The following UNC5D variants were observed in gnomAD, a reference collection of about 807,000 sequenced individuals.
UNC5D encodes the protein unc-5 netrin receptor D, also known as netrin receptor UNC5D.
In UNC5D, 39 loss-of-function variants were observed where a neutral mutation model predicts 105.4. That is an observed-to-expected ratio of 0.37 (90% CI 0.29 to 0.48). The LOEUF is 0.48. UNC5D is among the 20% of genes least tolerant of loss of function. The probability of loss-of-function intolerance (pLI) is 0.98; values close to 1 mark genes in which losing one functional copy is unlikely to be tolerated. For synonymous variants in UNC5D, 452 were observed against 450.4 expected, an observed-to-expected ratio of 1.00 and a Z score of -0.04; for missense variants, 991 against 1,202.4, an observed-to-expected ratio of 0.82 and a Z score of 2.60.
chr8:35,581,769 TA>T (rs1157530298), intron 3 of UNC5D, among the ~76,000 whole-genome samples: 2 of 151,674 alleles, frequency 1.3e-5, no homozygotes, highest in African/African-American at 4.8e-5. Context: ...ACAAAAAAAT[TA>T]AAAGAAAAAA....
rs1218004593 is a variant in UNC5D at position 35,796,087 on chromosome 8, T to A, written c.*5524T>A. 2 of 152,148 alleles carry A rather than the reference T, an allele frequency of 1.3e-5. No individual in the cohort carries two copies. Among genetic ancestry groups the A allele is most frequent in the Non-Finnish European group, 1.5e-5 (1 of 68,026 alleles). 9.4% of individuals were successfully genotyped at this position (152,148 alleles called of 1,614,324 possible). On this transcript the variant is annotated 3_prime_UTR_variant, in exon 17 of 17. Coordinates refer to ENST00000404895, the MANE Select transcript of UNC5D (RefSeq NM_080872.4). ...ATCTCAAACCCATACCACTCTCAAC[T>A]TTTATTTGATGTGTTCAAAGCCAAA...
rs139232308 is a variant in UNC5D at position 35,612,228 on chromosome 8, C to T, written c.570+16571C>T. On this transcript the variant is annotated intron_variant, in intron 4 of 16. Coordinates refer to ENST00000404895, the MANE Select transcript of UNC5D (RefSeq NM_080872.4). ...AAGATAATGCTGGAATTAGAAAACT[C>T]GGGAAGGTCAAGGGTTTTTGTCAAT... Among the ~76,000 whole-genome samples, 17 of 152,254 alleles carry T rather than the reference C, an allele frequency of 1.1e-4. No individual in the cohort carries two copies. The South Asian group carries it at 2.5e-3, about 22-fold the overall frequency.
intron 3 of UNC5D, among the ~76,000 whole-genome samples, chr8:35,591,474 TA>T (rs1167071181): frequency 1.3e-5 from 2 of 152,212 alleles, no homozygotes; most frequent in Admixed American, 6.5e-5. Context: ...GTTTGCCTCA[TA>T]TCCAATGAGT....
rs1803252791 is a variant in UNC5D at position 35,796,348 on chromosome 8, A to G, written c.*5785A>G. 6.7e-6 allele frequency: 1 copy of G among 149,386 alleles called. No individual in the cohort carries two copies. Among genetic ancestry groups the G allele is most frequent in the Admixed American group, 6.8e-5 (1 of 14,774 alleles). 9.3% of individuals were successfully genotyped at this position (149,386 alleles called of 1,614,324 possible). ...TGTACATATCTATAAATATATATAC[A>G]TATATATTTGGTAATGCCAAACAGC... On this transcript the variant is annotated 3_prime_UTR_variant, in exon 17 of 17. Transcript: ENST00000404895.
At chr8:35,710,128 C>G (rs1384813682) in intron 8 of UNC5D, among the ~76,000 whole-genome samples, 2 of 152,070 alleles carry the variant, frequency 1.3e-5, no homozygotes, top group Non-Finnish European at 2.9e-5. Flanking sequence ...GCAAGGAGAT[C>G]TATCACAATG....
At chr8:35,537,080 A>G (rs1051456910) in intron 1 of UNC5D, among the ~76,000 whole-genome samples, 1 of 152,180 alleles carries the variant, frequency 6.6e-6, no homozygotes, top group African/African-American at 2.4e-5. Context: ...TGAAATATAT[A>G]CATTCAAATT....
At chr8:35,603,463 C>G (rs1201370429) in intron 4 of UNC5D, among the ~76,000 whole-genome samples, 6 of 152,036 alleles carry the variant, frequency 3.9e-5, no homozygotes, top group East Asian at 3.9e-4. Flanking sequence ...TTACTTCCAA[C>G]TATGTGGTCA....
At chr8:35,698,832 C>A (rs1826977625) in intron 7 of UNC5D, among the ~76,000 whole-genome samples, 1 of 152,014 alleles carries the variant, frequency 6.6e-6, no homozygotes, top group African/African-American at 2.4e-5. Flanking sequence ...TGACATTAAC[C>A]AATACATGAT....
chr8:35,392,196 G>C (rs1406410804), intron 1 of UNC5D, among the ~76,000 whole-genome samples: 1 of 152,078 alleles, frequency 6.6e-6, no homozygotes, highest in African/African-American at 2.4e-5. Flanking sequence ...CATGTTCCTT[G>C]ACTAGTAGAT....
At chr8:35,632,809 C>T (rs929181648) in intron 4 of UNC5D, among the ~76,000 whole-genome samples, 4 of 152,170 alleles carry the variant, frequency 2.6e-5, no homozygotes, top group Admixed American at 1.3e-4. Flanking sequence ...GGCTGGCCCA[C>T]GAGGGTGTGT....
Position 35,791,860 on chromosome 8 carries a change from TG to T in UNC5D, c.*1298del, listed in dbSNP as rs1290479667. On this transcript the variant is annotated 3_prime_UTR_variant, in exon 17 of 17. Coordinates refer to ENST00000404895, the MANE Select transcript of UNC5D (RefSeq NM_080872.4). The stretch of plus-strand genomic sequence containing the variant: ...TTTTTACATTAGGAGGCAGTGATAT[TG>T]TGGAAGATTGAAATCCACAGATAAT... 2.6e-5 allele frequency: 4 copies of T among 152,162 alleles called. No homozygotes were observed. The highest frequency in any genetic ancestry group is 1.3e-4 in the Admixed American group (2 of 15,264). 9.4% of individuals were successfully genotyped at this position (152,162 alleles called of 1,614,324 possible). A position where few individuals can be genotyped will look rare whatever the true frequency, so the allele number is the denominator to read the frequency against.
At chr8:35,688,760 G>T (rs1826194548) in intron 7 of UNC5D, among the ~76,000 whole-genome samples, 1 of 152,190 alleles carries the variant, frequency 6.6e-6, no homozygotes, top group African/African-American at 2.4e-5. Flanking sequence ...CACATTTGAG[G>T]TGTGACTGTT....
intron 1 of UNC5D, among the ~76,000 whole-genome samples, chr8:35,319,811 A>G (rs1233913730): frequency 6.6e-6 from 1 of 152,050 alleles, no homozygotes; most frequent in Non-Finnish European, 1.5e-5. Context: ...TGGAGAAAAA[A>G]AAAAAGCAAG....
At chr8:35,433,172 A>G (rs1319169160) in intron 1 of UNC5D, among the ~76,000 whole-genome samples, 1 of 152,158 alleles carries the variant, frequency 6.6e-6, no homozygotes, top group Non-Finnish European at 1.5e-5. Flanking sequence ...AGTATGCCAA[A>G]TTTGTCTAAA....
chr8:35,309,928 G>C (rs927239958), intron 1 of UNC5D, among the ~76,000 whole-genome samples: 23 of 152,046 alleles, frequency 1.5e-4, no homozygotes, highest in Non-Finnish European at 1.5e-5. Context: ...TTTGAATTTT[G>C]ATTAATTTTA....
At chr8:35,755,647 T>C (rs944301552) in intron 13 of UNC5D, among the ~76,000 whole-genome samples, 11 of 152,258 alleles carry the variant, frequency 7.2e-5, no homozygotes, top group African/African-American at 2.6e-4. Context: ...TGGCCACAGC[T>C]TCTAGAACTG....
At chr8:35,569,859 C>G (rs1817603564) in intron 3 of UNC5D, among the ~76,000 whole-genome samples, 1 of 152,130 alleles carries the variant, frequency 6.6e-6, no homozygotes, top group African/African-American at 2.4e-5. Flanking sequence ...AATATAGACC[C>G]CCTCAATTTT....
chr8:35,602,820 CACTAACT>C (rs1284608154), intron 4 of UNC5D, among the ~76,000 whole-genome samples: 1 of 151,686 alleles, frequency 6.6e-6, no homozygotes, highest in Non-Finnish European at 1.5e-5. Context: ...GCGCTGCACC[CACTAACT>C]CATCATCTAG....
intron 1 of UNC5D, among the ~76,000 whole-genome samples, chr8:35,517,905 G>C: frequency 6.6e-6 from 1 of 152,122 alleles, no homozygotes; most frequent in East Asian, 1.9e-4. Flanking sequence ...ACATCACATA[G>C]TGGAAGGAAC....
Sources: allele counts gnomAD v4.1 joint callset (sites outside exome capture counted in the v4.1 genomes callset), GRCh38; gene constraint gnomAD v4.1.1; transcripts MANE v1.5; gene names NCBI Gene and HGNC (gene_info 2026-07-23, HGNC 2026-07-21).